Variants in MACROD2 observed in about 807,000 individuals in gnomAD.
The protein encoded by MACROD2 is ADP-ribose glycohydrolase MACROD2.
Under a neutral mutation model 70.4 loss-of-function variants are expected in MACROD2, and 36 were observed. The ratio of observed to expected loss-of-function variants is 0.51; its 90% CI spans 0.39 to 0.68. The LOEUF (loss-of-function observed/expected upper bound fraction) is 0.68. Ranked by LOEUF, MACROD2 falls within the 30% of genes least tolerant of loss-of-function variation. The pLI, the probability that MACROD2 is intolerant of heterozygous loss-of-function variation, is 0.00. For synonymous variants in MACROD2, 172 were observed against 178.8 expected, an observed-to-expected ratio of 0.96 and a Z score of 0.30; for missense variants, 496 against 538.4, an observed-to-expected ratio of 0.92 and a Z score of 0.78.
chr20:15,279,096 A>G (rs1057163096), intron 6 of MACROD2, among the ~76,000 whole-genome samples: 58 of 152,324 alleles, frequency 3.8e-4, no homozygotes, highest in African/African-American at 1.3e-3. Context: ...AACCCACAAC[A>G]GGTAGTTAGT....
intron 4 of MACROD2, among the ~76,000 whole-genome samples, chr20:14,600,142 A>G (rs1982388868): frequency 6.6e-6 from 1 of 152,048 alleles, no homozygotes; most frequent in South Asian, 2.1e-4. Context: ...CGTCATCATC[A>G]ATGCAATGCA....
At chr20:15,280,647 G>C (rs191224476) in intron 6 of MACROD2, 6 of 152,344 alleles carry the variant, frequency 3.9e-5, no homozygotes, top group Admixed American at 6.5e-5. Context: ...CTTGGCACAA[G>C]TTATTTCCTT....
chr20:15,088,431 A>G (rs368853057), intron 5 of MACROD2, among the ~76,000 whole-genome samples: 10 of 34,010 alleles, frequency 2.9e-4, no homozygotes, highest in African/African-American at 7.7e-4. Flanking sequence ...ATATATATAT[A>G]TATATATATA....
At chr20:16,028,429 T>C (rs1443556216) in intron 15 of MACROD2, among the ~76,000 whole-genome samples, 1 of 151,698 alleles carries the variant, frequency 6.6e-6, no homozygotes, top group East Asian at 1.9e-4. Context: ...GAGTTCTCTG[T>C]AGAGTAGTTA....
rs185939521 is a variant in MACROD2, at chr20:14,455,919, C to T, written c.272-37560C>T. On this transcript the variant is annotated intron_variant, in intron 3 of 17. Transcript: ENST00000684519. ...TATTAAAAAAATGGTCTTCATGTAT[C>T]ATCTAAAAATTATCTTATGTCTCAG... Among the ~76,000 whole-genome samples the T allele has an allele frequency of 1.1e-4, 17 of 151,700 alleles. 1 individual carries two copies. Among genetic ancestry groups the T allele is most frequent in the African/African-American group, 3.9e-4 (16 of 41,114 alleles).
chr20:15,499,582 G>A (rs879133681), intron 7 of MACROD2, among the ~76,000 whole-genome samples, 192 bp from the exon 8 acceptor site: 9 of 152,100 alleles, frequency 5.9e-5, no homozygotes, highest in Non-Finnish European at 1.0e-4. Flanking sequence ...CTGTACTGGT[G>A]TAGGACCAGC....
At chr20:16,043,696 C>G (rs1340653510) in intron 16 of MACROD2, among the ~76,000 whole-genome samples, 5 of 152,006 alleles carry the variant, frequency 3.3e-5, no homozygotes, top group Non-Finnish European at 5.9e-5. Flanking sequence ...AATTTCATGG[C>G]CGCTCACTGC....
At chr20:15,051,799 TG>T (rs1381475138) in intron 5 of MACROD2, among the ~76,000 whole-genome samples, 22 of 150,700 alleles carry the variant, frequency 1.5e-4, no homozygotes, top group East Asian at 1.4e-3. Flanking sequence ...CCCGCCAGGC[TG>T]GGGTGCAGTG....
At chr20:14,693,516 A>G (rs1019490107) in intron 5 of MACROD2, among the ~76,000 whole-genome samples, 1 of 152,160 alleles carries the variant, frequency 6.6e-6, no homozygotes, top group Non-Finnish European at 1.5e-5. Flanking sequence ...TATTACTTAC[A>G]TATATGATTT....
chr20:14,594,223 G>C (rs1007132472), intron 4 of MACROD2, among the ~76,000 whole-genome samples: 1 of 152,018 alleles, frequency 6.6e-6, no homozygotes, highest in Admixed American at 6.5e-5. Context: ...TGTTTTCTCT[G>C]TTTTCTCCTG....
intron 6 of MACROD2, among the ~76,000 whole-genome samples, chr20:15,361,232 G>A (rs1054912121): frequency 6.6e-6 from 1 of 152,078 alleles, no homozygotes; most frequent in Admixed American, 6.6e-5. Context: ...GTTCACTTTT[G>A]TATAGGATGT....
At chr20:15,021,611 A>T (rs2075185995) in intron 5 of MACROD2, 2 of 151,790 alleles carry the variant, frequency 1.3e-5, no homozygotes. Flanking sequence ...CCATGCTAAT[A>T]TTCTCTGTAT....
At chr20:14,535,417 A>G (rs1056206893) in intron 4 of MACROD2, among the ~76,000 whole-genome samples, 1 of 151,178 alleles carries the variant, frequency 6.6e-6, no homozygotes, top group Non-Finnish European at 1.5e-5. Flanking sequence ...AGGCAGGAGA[A>G]CTGCTTGAAT....
intron 2 of MACROD2, among the ~76,000 whole-genome samples, chr20:14,082,268 T>G (rs2054007960): frequency 1.6e-5 from 2 of 124,558 alleles, no homozygotes; most frequent in Admixed American, 2.1e-4. Context: ...AACCTCCACC[T>G]CCCAGGTTCC....
At chr20:15,001,795 T>C (rs2074997323) in intron 5 of MACROD2, among the ~76,000 whole-genome samples, 1 of 151,998 alleles carries the variant, frequency 6.6e-6, no homozygotes, top group African/African-American at 2.4e-5. Flanking sequence ...TTGGTGAGAT[T>C]TTGGTGCACC....
intron 3 of MACROD2, among the ~76,000 whole-genome samples, chr20:14,285,311 T>C (rs2082335014): frequency 6.6e-6 from 1 of 152,204 alleles, no homozygotes; most frequent in South Asian, 2.1e-4. Context: ...TACAATATTT[T>C]AAATAATTTT....
intron 4 of MACROD2, among the ~76,000 whole-genome samples, chr20:14,569,016 A>G (rs1196528390): frequency 1.3e-5 from 2 of 151,978 alleles, no homozygotes; most frequent in Non-Finnish European, 2.9e-5. Context: ...CCAAGGAGAG[A>G]TATTCTGGCA....
intron 2 of MACROD2, among the ~76,000 whole-genome samples, chr20:14,027,871 T>C (rs1243807756): frequency 1.3e-5 from 2 of 152,148 alleles, no homozygotes; most frequent in African/African-American, 2.4e-5. Context: ...AGGTGTCACC[T>C]AGTCAAGAGG....
chr20:14,955,289 A>G (rs1003460748), intron 5 of MACROD2, among the ~76,000 whole-genome samples: 4 of 110,692 alleles, frequency 3.6e-5, no homozygotes, highest in Non-Finnish European at 5.7e-5. Flanking sequence ...TATAGTTTAT[A>G]TAATATAATA....
Sources: gnomAD v4.1 joint callset for allele counts (sites outside exome capture counted in the v4.1 genomes callset) on GRCh38, gnomAD v4.1.1 for gene constraint, MANE v1.5 for transcripts, NCBI Gene and HGNC (gene_info 2026-07-23, HGNC 2026-07-21) for gene names.